The following TIAM2 variants were observed in gnomAD, a reference collection of about 807,000 sequenced individuals.
TIAM2 encodes TIAM Rac1 associated GEF 2.
Under a neutral mutation model 152.9 loss-of-function variants are expected in TIAM2, and 80 were observed. The ratio of observed to expected loss-of-function variants is 0.52; its 90% CI spans 0.44 to 0.63. The LOEUF (loss-of-function observed/expected upper bound fraction) is 0.63. Among genes scored for constraint, TIAM2 ranks in the 30% least tolerant of loss-of-function variants. The pLI, the probability that TIAM2 is intolerant of heterozygous loss-of-function variation, is 0.00. For missense variants in TIAM2, 1,965 were observed against 2,120.1 expected (o/e 0.93, Z 1.44); for synonymous variants, 804 against 838.0 (o/e 0.96, Z 0.70).
intron 24 of TIAM2, 82 bp from the exon 25 acceptor site, chr6:155,253,891 G>A (rs1408039642): frequency 9.8e-7 from 1 of 1,021,944 alleles, no homozygotes; most frequent in Non-Finnish European, 1.5e-6. Flanking sequence ...CTTAACTGAT[G>A]AGATTTCAAC....
At chr6:155,172,672 ATATATATATATATATTTTTTTTTTTT>A (rs1239605227) in intron 9 of TIAM2, among the ~76,000 whole-genome samples, 297 of 12,306 alleles carry the variant, frequency 0.024, 1 homozygote, top group Non-Finnish European at 0.035. Context: ...ATATATATAT[ATATATATATATATATTTTTTTTTTTT>A]TTTTTTTTTT....
intron 2 of TIAM2, among the ~76,000 whole-genome samples, chr6:155,109,749 A>G (rs760002730): frequency 4.6e-5 from 7 of 152,132 alleles, no homozygotes; most frequent in Non-Finnish European, 8.8e-5. Flanking sequence ...CACAGAACTG[A>G]AGCGACTTGT....
intron 1 of TIAM2, among the ~76,000 whole-genome samples, chr6:155,075,448 T>G (rs1583178430): frequency 1.3e-5 from 2 of 152,140 alleles, no homozygotes. Flanking sequence ...GACTCTACCA[T>G]AGCTTTCCTC....
intron 9 of TIAM2, among the ~76,000 whole-genome samples, chr6:155,171,154 A>C (rs933412172): frequency 6.6e-6 from 1 of 152,334 alleles, no homozygotes; most frequent in African/African-American, 2.4e-5. Flanking sequence ...GGCCGTGTGC[A>C]TTTTAAACTA....
In TIAM2 at chr6:155,043,989, A is replaced by C. The variant is rs535643806; in HGVS notation, c.-208-46300A>C. On this transcript the variant is annotated intron_variant, in intron 1 of 26. Coordinates refer to ENST00000682666, the MANE Select transcript of TIAM2 (RefSeq NM_012454.4). ...CCATGGCATAGTTTTGAAGGATTGCAGAAAATCAGATGGTTGTAATACGAT... is the reference window on the plus strand; with the variant it reads ...CCATGGCATAGTTTTGAAGGATTGCCGAAAATCAGATGGTTGTAATACGAT... 1.2e-4 allele frequency among the ~76,000 whole-genome samples: 19 copies of C among 152,320 alleles called. 1 individual carries two copies. The South Asian group carries it at 3.7e-3, about 30-fold the overall frequency.
At position 155,036,357 on chromosome 6, in the gene TIAM2, C is replaced by A. The variant is rs763469990; in HGVS notation, c.-209+40865C>A. Among the ~76,000 whole-genome samples the A allele has an allele frequency of 1.5e-4, 23 of 151,704 alleles. 1 individual carries two copies. The highest frequency in any genetic ancestry group is 2.8e-4 in the Non-Finnish European group (19 of 67,956). On this transcript the variant is annotated intron_variant, in intron 1 of 26. Coordinates refer to ENST00000682666, the MANE Select transcript of TIAM2 (RefSeq NM_012454.4). The stretch of plus-strand genomic sequence containing the variant: ...AGACCAGCCTGGGCAATATGGTAAA[C>A]CCTGTCTCTACCAAAAATACAAAAA...
At chr6:155,033,463 T>C (rs2114893980) in intron 1 of TIAM2, among the ~76,000 whole-genome samples, 1 of 152,314 alleles carries the variant, frequency 6.6e-6, no homozygotes, top group South Asian at 2.1e-4. Context: ...TATAGCACTT[T>C]GGCTCTGAAA....
intron 21 of TIAM2, 183 bp from the exon 22 acceptor site, chr6:155,250,730 T>C (rs1465061592): frequency 1.7e-6 from 2 of 1,173,370 alleles, no homozygotes; most frequent in African/African-American, 1.5e-5. Flanking sequence ...CATCAGACAC[T>C]TGGGTGCTTA....
In TIAM2 at chr6:155,216,834, C is replaced by T. The variant is rs886590169; in HGVS notation, c.3168+5527C>T. 3.6e-5 allele frequency: 39 copies of T among 1,078,942 alleles called. No individual in the cohort carries two copies. In the African/African-American group the frequency reaches 6.1e-4, roughly 17 times the overall value. The allele number at this position is 1,078,942 out of a possible 1,614,324, so 66.8% of individuals were successfully genotyped here. ...CCGGTGCCTTTCTAGAGCAGGCAGG[C>T]TCCCGGCATGGGTGGAAACAGAGCA... is the stretch of plus-strand genomic sequence containing the variant. On this transcript the variant is annotated intron_variant, in intron 15 of 26. Transcript: ENST00000682666.
chr6:155,056,420 C>T (rs781283984), intron 1 of TIAM2, among the ~76,000 whole-genome samples: 84 of 152,220 alleles, frequency 5.5e-4, no homozygotes, highest in Non-Finnish European at 1.1e-3. Flanking sequence ...GATCCGCCTG[C>T]CTTGGCCTCC....
chr6:155,069,648 A>G (rs1446373367), intron 1 of TIAM2, among the ~76,000 whole-genome samples: 9 of 152,200 alleles, frequency 5.9e-5, no homozygotes. Flanking sequence ...GTATACAGTA[A>G]TTTTAGTATA....
intron 12 of TIAM2, among the ~76,000 whole-genome samples, chr6:155,181,607 C>G (rs188051462): frequency 6.6e-6 from 1 of 152,232 alleles, no homozygotes; most frequent in African/African-American, 2.4e-5. Flanking sequence ...AACTCTGTAC[C>G]CATTTAACAC....
chr6:155,190,921 T>C (rs1365287202), intron 14 of TIAM2, among the ~76,000 whole-genome samples: 1 of 152,264 alleles, frequency 6.6e-6, no homozygotes, highest in Non-Finnish European at 1.5e-5. Flanking sequence ...TCTATTTTTT[T>C]CCTCCTTCTT....
chr6:155,217,045 C>T (rs1171815943), intron 15 of TIAM2: 3 of 1,289,066 alleles, frequency 2.3e-6, no homozygotes, highest in Admixed American at 4.6e-5. Flanking sequence ...TCCGTTCTCC[C>T]AGAGGGAGCA....
At chr6:155,019,674 C>T (rs959194347) in intron 1 of TIAM2, among the ~76,000 whole-genome samples, 3 of 152,204 alleles carry the variant, frequency 2.0e-5, no homozygotes, top group African/African-American at 7.2e-5. Flanking sequence ...CGTGGGCCTA[C>T]CGGCCAGCTG....
intron 1 of TIAM2, among the ~76,000 whole-genome samples, chr6:155,043,825 C>G (rs1777100438): frequency 6.6e-6 from 1 of 151,966 alleles, no homozygotes. Context: ...TACTTAGTTA[C>G]AAGCGGGGAC....
chr6:155,207,554 T>A (rs946105898), intron 14 of TIAM2, among the ~76,000 whole-genome samples: 1 of 152,218 alleles, frequency 6.6e-6, no homozygotes, highest in African/African-American at 2.4e-5. Context: ...ACAGCTGCCT[T>A]CTCTTCTCAG....
At chr6:155,224,609 CCCCCAATT>C (rs1384689076) in intron 15 of TIAM2, among the ~76,000 whole-genome samples, 1 of 152,166 alleles carries the variant, frequency 6.6e-6, no homozygotes, top group Non-Finnish European at 1.5e-5. Context: ...TTTAAAGGCA[CCCCCAATT>C]CTCTTTCCCT....
chr6:155,115,170 TAAA>T (rs11327910), intron 2 of TIAM2, among the ~76,000 whole-genome samples: 25 of 132,650 alleles, frequency 1.9e-4, no homozygotes, highest in East Asian at 2.3e-4. Context: ...TAAATTGTAC[TAAA>T]AAAAAAAAAA....
Sources: allele counts gnomAD v4.1 joint callset (sites outside exome capture counted in the v4.1 genomes callset), GRCh38; gene constraint gnomAD v4.1.1; transcripts MANE v1.5; gene names NCBI Gene and HGNC (gene_info 2026-07-23, HGNC 2026-07-21).